Variants in SNRNP48 observed in about 807,000 individuals in gnomAD.
SNRNP48 encodes the protein U11/U12 small nuclear ribonucleoprotein 48 kDa protein.
Under a neutral mutation model 47.0 loss-of-function variants are expected in SNRNP48, and 43 were observed. The observed-to-expected ratio is 0.92, with a 90% CI of 0.72 to 1.18. SNRNP48 has a LOEUF of 1.18. Among genes scored for constraint, SNRNP48 ranks in the 50% most tolerant of loss-of-function variants. The pLI is 0.00. For synonymous variants in SNRNP48, 138 were observed against 144.0 expected, an observed-to-expected ratio of 0.96 and a Z score of 0.30; for missense variants, 396 against 422.2, an observed-to-expected ratio of 0.94 and a Z score of 0.54.
chr6:7,602,319 T>C (rs1760039943), intron 5 of SNRNP48, among the ~76,000 whole-genome samples: 1 of 152,170 alleles, frequency 6.6e-6, no homozygotes, highest in Admixed American at 6.5e-5. Flanking sequence ...TGAGGGATAT[T>C]TACTCAGTAC....
intron 3 of SNRNP48, 133 bp from the exon 4 acceptor site, chr6:7,594,894 G>A: frequency 1.5e-6 from 1 of 663,632 alleles, no homozygotes; most frequent in Non-Finnish European, 2.6e-6. Context: ...CATAGACAGG[G>A]ATGTGGATGT....
At chr6:7,603,707 C>G (rs1409215296) in intron 6 of SNRNP48, among the ~76,000 whole-genome samples, 4 of 152,192 alleles carry the variant, frequency 2.6e-5, no homozygotes, top group Admixed American at 6.5e-5. Flanking sequence ...CTGTACCACA[C>G]AGCTTAGCTC....
rs149352332 is a variant in SNRNP48, at chr6:7,599,907, A to G, written c.407-1429A>G. ...TGAATAAATTGAAGAAAAGGCTAAA[A>G]TAATTTAAGAAGGAAATTATATTTC... On this transcript the variant is annotated intron_variant, in intron 4 of 8. Coordinates refer to ENST00000342415, the MANE Select transcript of SNRNP48 (RefSeq NM_152551.4). The G allele has an allele frequency of 7.5e-5, 75 of 1,004,296 alleles. No homozygotes were observed. In the African/African-American group the frequency reaches 1.2e-3, roughly 16 times the overall value. 62.2% of individuals were successfully genotyped at this position (1,004,296 alleles called of 1,614,324 possible).
chr6:7,595,741 G>A (rs1759893847), intron 4 of SNRNP48, among the ~76,000 whole-genome samples: 2 of 152,176 alleles, frequency 1.3e-5, no homozygotes, highest in Admixed American at 1.3e-4. Context: ...TTGCTACCCA[G>A]TAAGTGAGTT....
intron 1 of SNRNP48, among the ~76,000 whole-genome samples, chr6:7,591,763 A>T (rs889752610): frequency 6.6e-6 from 1 of 152,212 alleles, no homozygotes; most frequent in Non-Finnish European, 1.5e-5. Flanking sequence ...GCCACATTTT[A>T]TAGACGAGGA....
Position 7,610,419 on chromosome 6 carries a change from T to G in SNRNP48, c.*1546T>G, listed in dbSNP as rs1206642373. 1 of 152,220 alleles carries G rather than the reference T, an allele frequency of 6.6e-6. No individual in the cohort carries two copies. Among genetic ancestry groups the G allele is most frequent in the African/African-American group, 2.4e-5 (1 of 41,464 alleles). 9.4% of individuals were successfully genotyped at this position (152,220 alleles called of 1,614,324 possible). On this transcript the variant is annotated 3_prime_UTR_variant, in exon 9 of 9. Transcript: ENST00000342415. ...ATATAAAATCCACATTTAAAAATTA[T>G]AAAAGCAAGGACTTGGGAGTGACTG... is the stretch of plus-strand genomic sequence containing the variant.
chr6:7,604,929 A>G (rs1760096425), intron 6 of SNRNP48, among the ~76,000 whole-genome samples: 1 of 152,164 alleles, frequency 6.6e-6, no homozygotes, highest in South Asian at 2.1e-4. Context: ...GCAAAACTAA[A>G]AATAGTACCA....
chr6:7,607,108 A>G (rs554260114), intron 8 of SNRNP48, among the ~76,000 whole-genome samples: 23 of 152,312 alleles, frequency 1.5e-4, no homozygotes, highest in Non-Finnish European at 2.6e-4. Context: ...ACTTGAGCTC[A>G]GGAGCTCAAG....
At chr6:7,591,111 CAT>C (rs1165095452) in intron 1 of SNRNP48, among the ~76,000 whole-genome samples, 1 of 152,194 alleles carries the variant, frequency 6.6e-6, no homozygotes. Context: ...TGTCATCTGT[CAT>C]ACGGATTCCG....
chr6:7,608,756 T>TGGTG, intron 8 of SNRNP48, 69 bp from the exon 9 acceptor site: 66 of 808,706 alleles, frequency 8.2e-5, no homozygotes, highest in Non-Finnish European at 1.2e-4. Flanking sequence ...TACTGTTGAA[T>TGGTG]TATTTTAAAG....
At chr6:7,603,338 A>C (rs1475875086) in intron 6 of SNRNP48, among the ~76,000 whole-genome samples, 1 of 152,180 alleles carries the variant, frequency 6.6e-6, no homozygotes, top group Non-Finnish European at 1.5e-5. Flanking sequence ...GATGCCATTT[A>C]ATGGCTCGTT....
intron 1 of SNRNP48, among the ~76,000 whole-genome samples, 185 bp downstream of exon 1, chr6:7,590,598 G>T (rs1320772114): frequency 2.0e-5 from 3 of 152,194 alleles, no homozygotes; most frequent in African/African-American, 7.2e-5. Context: ...GACGTCCCTG[G>T]GTTCCGGGCT....
chr6:7,599,453 G>A (rs868212788), intron 4 of SNRNP48, among the ~76,000 whole-genome samples: 30 of 152,208 alleles, frequency 2.0e-4, no homozygotes, highest in African/African-American at 6.7e-4. Flanking sequence ...CAAAAAACCT[G>A]CAAAAACAGG....
chr6:7,596,551 T>C (rs889696901), intron 4 of SNRNP48, among the ~76,000 whole-genome samples: 2 of 152,222 alleles, frequency 1.3e-5, no homozygotes, highest in African/African-American at 2.4e-5. Flanking sequence ...CTGGACTTGA[T>C]TTCTCAGAGT....
chr6:7,608,827 A>G lies in SNRNP48; in HGVS notation c.974A>G (p.Asp325Gly). 6.7e-7 allele frequency: 1 copy of G among 1,494,526 alleles called. No homozygotes were observed. The highest frequency in any genetic ancestry group is 1.3e-5 in the South Asian group (1 of 78,966). The allele number at this position is 1,494,526 out of a possible 1,614,324, so 92.6% of individuals were successfully genotyped here. A position where few individuals can be genotyped will look rare whatever the true frequency, so the allele number is the denominator to read the frequency against. The change falls in exon 9 of 9, where the codon GAT becomes GGT. Residue 325 changes from aspartate (D) to glycine (G), a missense_variant and splice_region_variant. By Grantham distance (94) the Asp-to-Gly change is moderately conservative (BLOSUM62 -1). Transcript: ENST00000342415. ...TTTTTATACCTCTTTTATTTCAGGG[A>G]TGGGGAAAGACACCATAGTCATAAA... ...NCESRRRKER[D>G]GERHHSHKRR... is the part of the protein sequence containing the mutation.
intron 4 of SNRNP48, among the ~76,000 whole-genome samples, chr6:7,599,348 T>A (rs1016044830): frequency 4.6e-5 from 7 of 152,150 alleles, no homozygotes; most frequent in African/African-American, 1.7e-4. Context: ...TAGAGATGGA[T>A]AGAGGTTGCA....
rs1247575742 is a variant in SNRNP48 at position 7,609,721 on chromosome 6, A to G, written c.*848A>G. On this transcript the variant is annotated 3_prime_UTR_variant, in exon 9 of 9. Coordinates refer to ENST00000342415, the MANE Select transcript of SNRNP48 (RefSeq NM_152551.4). ...AAATAAGGTCTTAATGTTTCATTTA[A>G]TTTAAAATATACTGTCATGTTGTGT... The G allele has an allele frequency of 6.6e-6, 1 of 152,166 alleles. No individual in the cohort carries two copies. The highest frequency in any genetic ancestry group is 1.5e-5 in the Non-Finnish European group (1 of 68,024). 9.4% of individuals were successfully genotyped at this position (152,166 alleles called of 1,614,324 possible).
intron 8 of SNRNP48, among the ~76,000 whole-genome samples, chr6:7,608,599 T>C (rs1216973178): frequency 6.6e-6 from 1 of 152,060 alleles, no homozygotes. Context: ...GAGACGAAAC[T>C]GAAATAGGAA....
intron 4 of SNRNP48, among the ~76,000 whole-genome samples, chr6:7,596,140 C>T (rs1444778118): frequency 7.9e-5 from 12 of 152,072 alleles, no homozygotes; most frequent in Admixed American, 7.9e-4. Context: ...TGGCAAGCAC[C>T]TGTAATCCCA....
Sources: allele counts gnomAD v4.1 joint callset (sites outside exome capture counted in the v4.1 genomes callset), GRCh38; gene constraint gnomAD v4.1.1; transcripts MANE v1.5; gene names NCBI Gene and HGNC (gene_info 2026-07-23, HGNC 2026-07-21).